LRMDA: variants seen among roughly 807,000 people sequenced by gnomAD.
LRMDA encodes the protein leucine-rich melanocyte differentiation-associated protein.
Under a neutral mutation model 29.8 loss-of-function variants are expected in LRMDA, and 18 were observed. That is an observed-to-expected ratio of 0.60 (90% CI 0.42 to 0.90). The LOEUF (loss-of-function observed/expected upper bound fraction) is 0.90. Ranked by LOEUF, LRMDA falls within the 40% of genes least tolerant of loss-of-function variation. The pLI is 0.00. For synonymous variants in LRMDA, 125 were observed against 109.4 expected (o/e 1.14, Z -0.89); for missense variants, 273 against 273.9 (o/e 1.00, Z 0.02).
intron 2 of LRMDA, among the ~76,000 whole-genome samples, chr10:75,656,360 A>G (rs1348375968): frequency 1.3e-5 from 2 of 152,218 alleles, no homozygotes; most frequent in Admixed American, 6.5e-5. Context: ...TATCTGTGCA[A>G]TCTGTACAAT....
intron 3 of LRMDA, among the ~76,000 whole-genome samples, chr10:76,036,678 C>T (rs150897374): frequency 1.3e-5 from 2 of 152,270 alleles, no homozygotes; most frequent in East Asian, 3.9e-4. Flanking sequence ...TGGGGGATAC[C>T]ATGCTCTGGT....
chr10:76,377,142 C>T lies in LRMDA; in HGVS notation c.601+52657C>T, dbSNP rs564294179. ...CCTCATGATCTGCCCACCTCGGCCT[C>T]CCAAAGTGCTGGGATTACAGGTGTG... On this transcript the variant is annotated intron_variant, in intron 6 of 6. Transcript: ENST00000611255. Among the ~76,000 whole-genome samples, 984 of 152,144 alleles carry T rather than the reference C, an allele frequency of 6.5e-3. 19 individuals carry two copies. Among genetic ancestry groups the T allele is most frequent in the African/African-American group, 0.022 (894 of 41,524 alleles).
At chr10:75,664,284 T>C (rs1841793602) in intron 2 of LRMDA, among the ~76,000 whole-genome samples, 1 of 152,208 alleles carries the variant, frequency 6.6e-6, no homozygotes, top group African/African-American at 2.4e-5. Context: ...CTCCATTTCC[T>C]TCCTTGCAGA....
chr10:75,646,106 A>G (rs1026059524), intron 2 of LRMDA, among the ~76,000 whole-genome samples: 3 of 141,160 alleles, frequency 2.1e-5, no homozygotes, highest in Admixed American at 7.5e-5. Flanking sequence ...TTCTTTTCCT[A>G]TGGAATAAAT....
At chr10:76,429,761 A>G (rs748286757) in intron 6 of LRMDA, among the ~76,000 whole-genome samples, 27 of 152,204 alleles carry the variant, frequency 1.8e-4, no homozygotes, top group Non-Finnish European at 3.4e-4. Flanking sequence ...TTTAATTAAT[A>G]GATCAGCCAT....
chr10:76,451,455 T>G (rs1842405771), intron 6 of LRMDA, among the ~76,000 whole-genome samples: 1 of 152,156 alleles, frequency 6.6e-6, no homozygotes, highest in Non-Finnish European at 1.5e-5. Context: ...TCCGCCCGCC[T>G]CGGCCTCCCA....
intron 6 of LRMDA, among the ~76,000 whole-genome samples, chr10:76,349,669 G>T (rs940514995): frequency 5.9e-5 from 9 of 152,016 alleles, no homozygotes; most frequent in African/African-American, 2.2e-4. Context: ...GTACTCAGTG[G>T]TTCAGCAAAA....
chr10:76,251,192 C>T (rs1589394448), intron 5 of LRMDA, among the ~76,000 whole-genome samples: 1 of 148,068 alleles, frequency 6.8e-6, no homozygotes, highest in South Asian at 2.1e-4. Context: ...CTTAGAAAAG[C>T]ACACTGTCCA....
At chr10:76,417,275 G>C (rs968821688) in intron 6 of LRMDA, among the ~76,000 whole-genome samples, 2 of 152,060 alleles carry the variant, frequency 1.3e-5, no homozygotes, top group Admixed American at 1.3e-4. Flanking sequence ...TGTTTTATTA[G>C]CATGTCTTTC....
intron 2 of LRMDA, among the ~76,000 whole-genome samples, chr10:75,530,928 C>T (rs1402386204): frequency 6.6e-6 from 1 of 152,142 alleles, no homozygotes; most frequent in East Asian, 1.9e-4. Flanking sequence ...TTTTTGGTAA[C>T]TAATAGTTCA....
intron 6 of LRMDA, among the ~76,000 whole-genome samples, chr10:76,372,497 C>G (rs759466547): frequency 1.3e-5 from 2 of 151,918 alleles, no homozygotes; most frequent in Non-Finnish European, 2.9e-5. Flanking sequence ...CCTGAAATAC[C>G]AGCTACTTGG....
chr10:75,513,719 C>A (rs919382880), intron 2 of LRMDA, among the ~76,000 whole-genome samples: 2 of 152,132 alleles, frequency 1.3e-5, no homozygotes, highest in Admixed American at 1.3e-4. Flanking sequence ...CTCCAACCTC[C>A]GTTTCTGATT....
At chr10:75,962,208 G>A (rs922954384) in intron 2 of LRMDA, among the ~76,000 whole-genome samples, 3 of 152,160 alleles carry the variant, frequency 2.0e-5, no homozygotes, top group African/African-American at 7.2e-5. Context: ...AGACCCACTA[G>A]GCACTAGGGA....
At chr10:76,147,492 C>T (rs1850350162) in intron 5 of LRMDA, among the ~76,000 whole-genome samples, 1 of 152,192 alleles carries the variant, frequency 6.6e-6, no homozygotes, top group African/African-American at 2.4e-5. Context: ...ACTGAGGCTT[C>T]TGCATTCGTC....
At chr10:75,771,237 C>T (rs1564563784) in intron 2 of LRMDA, among the ~76,000 whole-genome samples, 1 of 151,928 alleles carries the variant, frequency 6.6e-6, no homozygotes, top group South Asian at 2.1e-4. Context: ...TCACTCTACA[C>T]AGGTTCACTC....
At chr10:75,978,520 A>C (rs1397710261) in intron 2 of LRMDA, among the ~76,000 whole-genome samples, 1 of 152,206 alleles carries the variant, frequency 6.6e-6, no homozygotes, top group Non-Finnish European at 1.5e-5. Context: ...GCTAGCTGAA[A>C]GGAAAATGGA....
intron 6 of LRMDA, among the ~76,000 whole-genome samples, chr10:76,465,420 A>G (rs1193035245): frequency 6.6e-6 from 1 of 152,166 alleles, no homozygotes; most frequent in Non-Finnish European, 1.5e-5. Flanking sequence ...AGCTATCACT[A>G]CTGCCATAAG....
intron 5 of LRMDA, among the ~76,000 whole-genome samples, chr10:76,281,778 G>A (rs892547789): frequency 1.3e-5 from 2 of 152,134 alleles, no homozygotes; most frequent in Non-Finnish European, 2.9e-5. Context: ...TGTGCCAAGT[G>A]GCTTGCAACC....
At chr10:76,222,913 A>G (rs1375611269) in intron 5 of LRMDA, among the ~76,000 whole-genome samples, 1 of 152,172 alleles carries the variant, frequency 6.6e-6, no homozygotes, top group African/African-American at 2.4e-5. Flanking sequence ...TGGCACATAT[A>G]CACCATGGAA....
Sources: gnomAD v4.1 joint callset for allele counts (sites outside exome capture counted in the v4.1 genomes callset) on GRCh38, gnomAD v4.1.1 for gene constraint, MANE v1.5 for transcripts, NCBI Gene and HGNC (gene_info 2026-07-23, HGNC 2026-07-21) for gene names.